GDPD5: variants seen among roughly 807,000 people sequenced by gnomAD.
GDPD5 encodes the protein glycerophosphodiester phosphodiesterase domain containing 5.
In GDPD5, 48 loss-of-function variants were observed where a neutral mutation model predicts 75.1. The ratio of observed to expected loss-of-function variants is 0.64; its 90% CI spans 0.51 to 0.81. The LOEUF (loss-of-function observed/expected upper bound fraction) is 0.81. Ranked by LOEUF, GDPD5 falls within the 40% of genes least tolerant of loss-of-function variation. The pLI is 0.00. For synonymous variants in GDPD5, 336 were observed against 339.0 expected (o/e 0.99, Z 0.10); for missense variants, 706 against 822.6 (o/e 0.86, Z 1.73).
intron 16 of GDPD5, among the ~76,000 whole-genome samples, chr11:75,436,240 T>G (rs1172656783): frequency 6.6e-6 from 1 of 152,094 alleles, no homozygotes; most frequent in African/African-American, 2.4e-5. Flanking sequence ...CTCTGCTGAG[T>G]GGAGTTCGGC....
At chr11:75,439,406 A>G (rs1046938745) in intron 15 of GDPD5, 1 of 455,430 alleles carries the variant, frequency 2.2e-6, no homozygotes, top group Non-Finnish European at 4.4e-6. Flanking sequence ...GAGAGGAGGG[A>G]CATGCGCCGA....
intron 3 of GDPD5, among the ~76,000 whole-genome samples, chr11:75,475,491 C>T (rs76147805): frequency 0.056 from 8,475 of 152,284 alleles, 345 homozygotes; most frequent in East Asian, 0.13. Flanking sequence ...GCTATTCCTT[C>T]GTTGTGAGAG....
chr11:75,514,692 A>G (rs767842682), intron 1 of GDPD5, among the ~76,000 whole-genome samples: 9 of 152,230 alleles, frequency 5.9e-5, no homozygotes, highest in Non-Finnish European at 1.3e-4. Context: ...GCACATCTGG[A>G]CAGAGGAGGG....
At chr11:75,442,303 G>A (rs374322974) in intron 12 of GDPD5, 60 bp downstream of exon 12, 23 of 1,292,600 alleles carry the variant, frequency 1.8e-5, no homozygotes, top group East Asian at 1.5e-4. Context: ...AGGCTATGCA[G>A]CAGCAGGGCT....
chr11:75,484,727 A>G (rs1366659205), intron 2 of GDPD5, among the ~76,000 whole-genome samples: 1 of 152,178 alleles, frequency 6.6e-6, no homozygotes, highest in Non-Finnish European at 1.5e-5. Flanking sequence ...CTCTAAAAAA[A>G]TAAATAATAA....
rs372133003 is a variant in GDPD5 at position 75,439,617 on chromosome 11, C to T, written c.1556+262G>A. Among the ~76,000 whole-genome samples, 15 of 152,282 alleles carry T rather than the reference C, an allele frequency of 9.9e-5. No homozygotes were observed. In the East Asian group the frequency reaches 1.9e-3, roughly 20 times the overall value. ...TGGCTAACAGATGAGCAGGCCAGCC[C>T]GGTGAGGAGCTGAAATTCACCTAAG... On this transcript the variant is annotated intron_variant, in intron 15 of 16. Transcript: ENST00000336898.
At chr11:75,467,695 G>A (rs1001940402) in intron 3 of GDPD5, among the ~76,000 whole-genome samples, 2 of 152,058 alleles carry the variant, frequency 1.3e-5, no homozygotes, top group African/African-American at 4.8e-5. Flanking sequence ...GGGGTAGGAT[G>A]CTGATTCCTG....
chr11:75,449,065 G>T lies in GDPD5; in HGVS notation c.626C>A (p.Ala209Asp). The change falls in exon 9 of 17, where the codon GCC becomes GAC. Residue 209 changes from alanine to aspartate, a missense_variant. By Grantham distance (126) the Ala-to-Asp change is moderately radical (BLOSUM62 -2). Coordinates refer to ENST00000336898, the MANE Select transcript of GDPD5 (RefSeq NM_030792.8). ...FFTVVFALYL[A>D]PLTISSPCIM... ...GCAGGGAGAGGAGATGGTGAGAGGG[G>T]CCAGGTAGAGGGCAAACACCACGGT... The T allele has an allele frequency of 6.2e-7, 1 of 1,606,866 alleles. No individual in the cohort carries two copies. Among genetic ancestry groups the T allele is most frequent in the Non-Finnish European group, 8.5e-7 (1 of 1,177,532 alleles).
At chr11:75,447,410 C>T (rs1181496010) in intron 9 of GDPD5, among the ~76,000 whole-genome samples, 1 of 151,978 alleles carries the variant, frequency 6.6e-6, no homozygotes, top group Non-Finnish European at 1.5e-5. Flanking sequence ...TTCTGAAGTC[C>T]TCATGTGTTA....
chr11:75,444,082 G>A (rs570748052), intron 10 of GDPD5, among the ~76,000 whole-genome samples: 46 of 152,146 alleles, frequency 3.0e-4, no homozygotes, highest in African/African-American at 1.1e-3. Flanking sequence ...CTTTTTTGTG[G>A]TATTTTAAAA....
chr11:75,509,442 T>G (rs1291498332), intron 1 of GDPD5, among the ~76,000 whole-genome samples: 1 of 152,198 alleles, frequency 6.6e-6, no homozygotes, highest in Non-Finnish European at 1.5e-5. Context: ...CAGAGAACAG[T>G]GAGCTGATGC....
At chr11:75,446,406 G>A (rs529083259) in intron 9 of GDPD5, among the ~76,000 whole-genome samples, 3 of 152,220 alleles carry the variant, frequency 2.0e-5, no homozygotes, top group South Asian at 2.1e-4. Flanking sequence ...CTCAGAGCTC[G>A]CACCTGCCTC....
chr11:75,499,018 T>A (rs575433908), intron 1 of GDPD5, among the ~76,000 whole-genome samples: 47 of 152,246 alleles, frequency 3.1e-4, no homozygotes, highest in African/African-American at 1.1e-3. Context: ...TGCTTCTACG[T>A]TTCCTATTCC....
chr11:75,488,304 G>A (rs557933802), intron 2 of GDPD5, among the ~76,000 whole-genome samples: 33 of 152,304 alleles, frequency 2.2e-4, no homozygotes, highest in Admixed American at 8.5e-4. Flanking sequence ...TTTGGGGGTA[G>A]TAGAGACTTT....
chr11:75,500,743 A>G (rs1259666267), intron 1 of GDPD5, among the ~76,000 whole-genome samples: 2 of 152,162 alleles, frequency 1.3e-5, no homozygotes, highest in South Asian at 2.1e-4. Context: ...ACGCATTTCA[A>G]GACACCTCCA....
At chr11:75,491,422 G>A (rs1244722584) in intron 1 of GDPD5, among the ~76,000 whole-genome samples, 3 of 152,220 alleles carry the variant, frequency 2.0e-5, no homozygotes, top group African/African-American at 7.2e-5. Context: ...AGAAGCCATG[G>A]TCTCTTTATA....
chr11:75,477,607 AG>A lies in GDPD5; in HGVS notation c.117+11del. 6.5e-7 allele frequency: 1 copy of A among 1,546,378 alleles called. No homozygotes were observed. Among genetic ancestry groups the A allele is most frequent in the Non-Finnish European group, 8.8e-7 (1 of 1,134,000 alleles). On this transcript the variant is annotated intron_variant, in intron 3 of 16. Coordinates refer to ENST00000336898, the MANE Select transcript of GDPD5 (RefSeq NM_030792.8). ...CACTGGGTCCCTCTGACCCTGTTCC[AG>A]GGTGGCTCACCGGTGTGGTATCATC... is the stretch of plus-strand genomic sequence containing the variant.
At chr11:75,512,978 A>T (rs547602319) in intron 1 of GDPD5, among the ~76,000 whole-genome samples, 1 of 152,336 alleles carries the variant, frequency 6.6e-6, no homozygotes, top group East Asian at 1.9e-4. Flanking sequence ...ATATGAATTC[A>T]TCAACACATC....
chr11:75,449,712 T>C, intron 7 of GDPD5, 102 bp from the exon 8 acceptor site: 1 of 1,329,042 alleles, frequency 7.5e-7, no homozygotes, highest in Non-Finnish European at 1.1e-6. Context: ...CAACCCTGTC[T>C]CCATCTGCCA....
Sources: allele counts gnomAD v4.1 joint callset (sites outside exome capture counted in the v4.1 genomes callset), GRCh38; gene constraint gnomAD v4.1.1; transcripts MANE v1.5; gene names NCBI Gene and HGNC (gene_info 2026-07-23, HGNC 2026-07-21).